The following ROBO2 variants were observed in gnomAD, a reference collection of about 807,000 sequenced individuals.
ROBO2 encodes the protein roundabout guidance receptor 2.
In ROBO2, 53 loss-of-function variants were observed where a neutral mutation model predicts 160.8. The observed-to-expected ratio is 0.33, with a 90% CI of 0.26 to 0.41. The LOEUF is 0.41. ROBO2 is among the 10% of genes least tolerant of loss of function. The pLI, the probability that ROBO2 is intolerant of heterozygous loss-of-function variation, is 1.00. For missense variants in ROBO2, 1,577 were observed against 1,722.4 expected (o/e 0.92, Z 1.49); for synonymous variants, 664 against 611.7 (o/e 1.09, Z -1.26).
intron 2 of ROBO2, among the ~76,000 whole-genome samples, chr3:77,223,103 T>C (rs1444918610): frequency 1.3e-5 from 2 of 152,180 alleles, no homozygotes; most frequent in Admixed American, 1.3e-4. Flanking sequence ...GCTCTTACAG[T>C]TACAGAAGCT....
At chr3:77,305,025 C>T (rs1342709291) in intron 2 of ROBO2, among the ~76,000 whole-genome samples, 1 of 152,164 alleles carries the variant, frequency 6.6e-6, no homozygotes, top group African/African-American at 2.4e-5. Context: ...CTGCTTTCAA[C>T]CTCTCTGACC....
intron 2 of ROBO2, among the ~76,000 whole-genome samples, chr3:77,293,607 C>G (rs1228723655): frequency 6.9e-6 from 1 of 144,306 alleles, no homozygotes; most frequent in Non-Finnish European, 1.5e-5. Context: ...TCACCCCAGA[C>G]ACAAAGTAAA....
intron 2 of ROBO2, among the ~76,000 whole-genome samples, chr3:76,594,476 G>T (rs186935555): frequency 6.6e-6 from 1 of 152,088 alleles, no homozygotes; most frequent in East Asian, 1.9e-4. Context: ...CTGTTCTTAA[G>T]TCTCTATAAA....
At chr3:77,325,029 A>G (rs1349053031) in intron 2 of ROBO2, among the ~76,000 whole-genome samples, 1 of 152,172 alleles carries the variant, frequency 6.6e-6, no homozygotes, top group Non-Finnish European at 1.5e-5. Flanking sequence ...ATTAAAGTAT[A>G]GTTATGATGT....
chr3:76,827,422 A>G (rs186422390), intron 2 of ROBO2, among the ~76,000 whole-genome samples: 195 of 152,274 alleles, frequency 1.3e-3, no homozygotes, highest in African/African-American at 4.5e-3. Flanking sequence ...TAACCCATGA[A>G]GTTTAAGATA....
intron 2 of ROBO2, among the ~76,000 whole-genome samples, chr3:76,557,207 C>T (rs182908169): frequency 6.6e-6 from 1 of 152,138 alleles, no homozygotes; most frequent in African/African-American, 2.4e-5. Context: ...TTCCATATAT[C>T]TCACAATTTC....
intron 2 of ROBO2, among the ~76,000 whole-genome samples, chr3:76,321,024 A>C (rs543076391): frequency 6.6e-6 from 1 of 152,350 alleles, no homozygotes; most frequent in South Asian, 2.1e-4. Flanking sequence ...CATTCAATAA[A>C]TATTTACTGA....
At chr3:77,178,238 A>G (rs1476287013) in intron 2 of ROBO2, among the ~76,000 whole-genome samples, 1 of 152,074 alleles carries the variant, frequency 6.6e-6, no homozygotes, top group African/African-American at 2.4e-5. Flanking sequence ...TCCATGCCAT[A>G]TAATCCAGAT....
At chr3:76,043,086 C>A (rs2067325966) in intron 2 of ROBO2, among the ~76,000 whole-genome samples, 1 of 151,968 alleles carries the variant, frequency 6.6e-6, no homozygotes. Flanking sequence ...ATCCAAATAT[C>A]TTCAACGGGG....
At chr3:76,426,093 C>T (rs541717791) in intron 2 of ROBO2, among the ~76,000 whole-genome samples, 1 of 152,236 alleles carries the variant, frequency 6.6e-6, no homozygotes, top group Admixed American at 6.5e-5. Context: ...ACCGTTATAA[C>T]ACAGGCAGAA....
chr3:76,106,732 G>T (rs1463332850), intron 2 of ROBO2, among the ~76,000 whole-genome samples: 1 of 152,098 alleles, frequency 6.6e-6, no homozygotes, highest in Non-Finnish European at 1.5e-5. Context: ...TTGGAAAAAG[G>T]TTATTAGGAC....
At chr3:76,992,120 A>G (rs1476139580) in intron 2 of ROBO2, among the ~76,000 whole-genome samples, 1 of 151,966 alleles carries the variant, frequency 6.6e-6, no homozygotes, top group African/African-American at 2.4e-5. Context: ...TAAGCATAAC[A>G]CATTGTTAGA....
At chr3:76,067,603 T>C (rs775043659) in intron 2 of ROBO2, among the ~76,000 whole-genome samples, 1 of 152,160 alleles carries the variant, frequency 6.6e-6, no homozygotes, top group Non-Finnish European at 1.5e-5. Flanking sequence ...TCCTGTAGCA[T>C]TTATCTGTAC....
intron 2 of ROBO2, among the ~76,000 whole-genome samples, chr3:76,012,584 C>T (rs780602092): frequency 5.3e-5 from 8 of 151,074 alleles, no homozygotes; most frequent in Non-Finnish European, 1.2e-4. Context: ...CATCATGGAT[C>T]GTGATGTTTG....
chr3:76,692,983 CAT>C (rs976645682), intron 2 of ROBO2, among the ~76,000 whole-genome samples: 1 of 148,622 alleles, frequency 6.7e-6, no homozygotes, highest in Non-Finnish European at 1.5e-5. Flanking sequence ...TGTATATACA[CAT>C]ATGTGTATGT....
chr3:76,693,106 C>T, intron 2 of ROBO2, among the ~76,000 whole-genome samples: 2 of 145,668 alleles, frequency 1.4e-5, no homozygotes, highest in Admixed American at 6.9e-5. Flanking sequence ...TACACATATC[C>T]CTATATATGT....
At chr3:77,638,874 T>C (rs2095307285) in intron 24 of ROBO2, among the ~76,000 whole-genome samples, 1 of 135,942 alleles carries the variant, frequency 7.4e-6, no homozygotes, top group Non-Finnish European at 1.5e-5. Context: ...TCACCCAGGC[T>C]GGAGTGCAAT....
At chr3:77,237,454 A>G (rs1170047347) in intron 2 of ROBO2, among the ~76,000 whole-genome samples, 1 of 60,874 alleles carries the variant, frequency 1.6e-5, no homozygotes, top group Non-Finnish European at 5.3e-5. Context: ...TGGTGGTGAT[A>G]AGGTCTCACT....
intron 2 of ROBO2, among the ~76,000 whole-genome samples, chr3:76,180,783 G>T (rs1397668506): frequency 6.6e-6 from 1 of 152,032 alleles, no homozygotes; most frequent in Non-Finnish European, 1.5e-5. Context: ...CAACTCAACT[G>T]CTTCAAAACT....
Sources: gnomAD v4.1 joint callset for allele counts (sites outside exome capture counted in the v4.1 genomes callset) on GRCh38, gnomAD v4.1.1 for gene constraint, MANE v1.5 for transcripts, NCBI Gene and HGNC (gene_info 2026-07-23, HGNC 2026-07-21) for gene names.